PPP1R9A: variants seen among roughly 807,000 people sequenced by gnomAD.
The protein encoded by PPP1R9A is protein phosphatase 1 regulatory subunit 9A, also known as neurabin-1.
PPP1R9A carries 59 observed loss-of-function variants against 141.9 expected under a neutral mutation model. That is an observed-to-expected ratio of 0.42 (90% confidence interval 0.34 to 0.52). The LOEUF (loss-of-function observed/expected upper bound fraction) is 0.52. Among genes scored for constraint, PPP1R9A ranks in the 20% least tolerant of loss-of-function variants. PPP1R9A has a pLI of 0.10. For synonymous variants in PPP1R9A, 500 were observed against 569.7 expected, an observed-to-expected ratio of 0.88 and a Z score of 1.74; for missense variants, 1,444 against 1,611.9, an observed-to-expected ratio of 0.90 and a Z score of 1.78.
At chr7:95,140,007 A>C (rs1322218794) in intron 4 of PPP1R9A, among the ~76,000 whole-genome samples, 1 of 152,194 alleles carries the variant, frequency 6.6e-6, no homozygotes, top group African/African-American at 2.4e-5. Flanking sequence ...ACTTAGAGCT[A>C]GAGGAAAAGT....
chr7:95,248,499 G>A (rs902520216), intron 9 of PPP1R9A, among the ~76,000 whole-genome samples: 15 of 151,944 alleles, frequency 9.9e-5, no homozygotes, highest in African/African-American at 2.9e-4. Flanking sequence ...AATTAGTGGC[G>A]GTTGCTAAAT....
chr7:94,910,229 C>A lies in PPP1R9A; in HGVS notation c.116C>A (p.Ser39Ter). The change falls in exon 2 of 20, where the codon TCA becomes TAA. Residue 39 changes from serine to a stop codon, truncating the protein, a stop_gained. Transcript: ENST00000433360. LOFTEE classifies it high-confidence loss of function. The surrounding 1 kb of genome is among the most constrained non-coding windows in gnomAD (Gnocchi z 4.5). ...ALKSTFDKPKSDGEQKTKEGE... is the reference protein window; with the variant it reads ...ALKSTFDKPK ...AAAAGTACCTTTGACAAACCCAAGT[C>A]AGATGGGGAACAAAAAACAAAAGAA... 1 of 1,613,994 alleles carries A rather than the reference C, an allele frequency of 6.2e-7. No individual in the cohort carries two copies. The highest frequency in any genetic ancestry group is 1.1e-5 in the South Asian group (1 of 91,054).
At chr7:94,969,354 G>T (rs1366586878) in intron 2 of PPP1R9A, among the ~76,000 whole-genome samples, 1 of 152,008 alleles carries the variant, frequency 6.6e-6, no homozygotes, top group Admixed American at 6.5e-5. Flanking sequence ...TGTTAATATT[G>T]ATGCTATTCC....
chr7:95,204,920 C>T (rs1228144524), intron 7 of PPP1R9A, among the ~76,000 whole-genome samples: 1 of 147,890 alleles, frequency 6.8e-6, no homozygotes, highest in Non-Finnish European at 1.5e-5. Context: ...CTCACGCCCC[C>T]ACACCATACA....
In PPP1R9A at chr7:95,006,490, C is replaced by T. The variant is rs576162273; in HGVS notation, c.1395+94982C>T. On this transcript the variant is annotated intron_variant, in intron 2 of 19. Coordinates refer to ENST00000433360, the MANE Select transcript of PPP1R9A (RefSeq NM_001166160.2). Reference sequence around the variant, plus strand: ...CCTCCCAAAGTGCTGGAATTACAGGCGTGAACCACCTTGCCCGGCCAAGAA... The same window carrying T: ...CCTCCCAAAGTGCTGGAATTACAGGTGTGAACCACCTTGCCCGGCCAAGAA... Among the ~76,000 whole-genome samples the T allele has an allele frequency of 3.7e-4, 56 of 151,978 alleles. No individual in the cohort carries two copies. The South Asian group carries it at 6.6e-3, about 18-fold the overall frequency.
intron 5 of PPP1R9A, among the ~76,000 whole-genome samples, chr7:95,191,506 A>G (rs1241615640): frequency 6.6e-6 from 1 of 152,112 alleles, no homozygotes; most frequent in Non-Finnish European, 1.5e-5. Context: ...GAAACTCTGT[A>G]ATATATTATT....
chr7:95,145,896 A>G (rs879379924), intron 4 of PPP1R9A, among the ~76,000 whole-genome samples: 7 of 152,198 alleles, frequency 4.6e-5, no homozygotes, highest in Admixed American at 4.6e-4. Context: ...TATCCAGTCT[A>G]TCATTGATGG....
At chr7:94,944,618 C>T (rs184420119) in intron 2 of PPP1R9A, among the ~76,000 whole-genome samples, 31 of 152,130 alleles carry the variant, frequency 2.0e-4, no homozygotes, top group African/African-American at 1.9e-4. Context: ...TGATCAGAAC[C>T]GTTTCTTTGA....
chr7:95,112,854 T>C (rs533795149), intron 3 of PPP1R9A, among the ~76,000 whole-genome samples: 10 of 152,158 alleles, frequency 6.6e-5, no homozygotes, highest in Non-Finnish European at 1.2e-4. Context: ...TTCTCACTTA[T>C]AAGTGAGAGC....
At chr7:95,078,594 A>C (rs1194466838) in intron 2 of PPP1R9A, among the ~76,000 whole-genome samples, 10 of 152,148 alleles carry the variant, frequency 6.6e-5, no homozygotes, top group Non-Finnish European at 1.0e-4. Context: ...TACAGTCCCA[A>C]CAACAGTGTA....
intron 4 of PPP1R9A, among the ~76,000 whole-genome samples, chr7:95,148,156 G>A (rs753938562): frequency 6.6e-6 from 1 of 152,040 alleles, no homozygotes. Flanking sequence ...CTATAAAAAG[G>A]AGAGGAAATT....
At chr7:95,072,027 A>G (rs1489285989) in intron 2 of PPP1R9A, among the ~76,000 whole-genome samples, 1 of 151,720 alleles carries the variant, frequency 6.6e-6, no homozygotes, top group East Asian at 1.9e-4. Context: ...CTGTTATATT[A>G]CATAAGTGAA....
At chr7:95,183,029 A>G (rs1358290658) in intron 5 of PPP1R9A, among the ~76,000 whole-genome samples, 3 of 152,174 alleles carry the variant, frequency 2.0e-5, no homozygotes, top group Non-Finnish European at 4.4e-5. Context: ...AAATATCTTA[A>G]GTTTATGCCT....
intron 2 of PPP1R9A, among the ~76,000 whole-genome samples, chr7:94,972,442 C>T (rs766895616): frequency 1.3e-4 from 20 of 151,302 alleles, no homozygotes; most frequent in Non-Finnish European, 1.3e-4. Flanking sequence ...ATGTGACAGG[C>T]TTCTTGTTCT....
intron 4 of PPP1R9A, among the ~76,000 whole-genome samples, chr7:95,145,424 A>G (rs890879203): frequency 2.0e-5 from 3 of 152,238 alleles, no homozygotes; most frequent in African/African-American, 7.2e-5. Context: ...TTCAAGATTC[A>G]TTAAAAGTTA....
chr7:94,974,394 A>G (rs1799203308), intron 2 of PPP1R9A, among the ~76,000 whole-genome samples: 1 of 152,188 alleles, frequency 6.6e-6, no homozygotes, highest in Non-Finnish European at 1.5e-5. Context: ...TTAGTTTTGG[A>G]TAAGTTGAGT....
intron 2 of PPP1R9A, among the ~76,000 whole-genome samples, chr7:95,041,664 A>G (rs1211465830): frequency 6.6e-6 from 1 of 152,144 alleles, no homozygotes; most frequent in East Asian, 1.9e-4. Flanking sequence ...TCTCGTAACT[A>G]GAAATCTCAT....
intron 2 of PPP1R9A, among the ~76,000 whole-genome samples, chr7:95,045,601 G>A (rs1403771896): frequency 6.6e-6 from 1 of 152,232 alleles, no homozygotes; most frequent in Non-Finnish European, 1.5e-5. Flanking sequence ...TGAGCTGCCA[G>A]TTACCAATTT....
chr7:95,274,807 G>T (rs746309537), intron 16 of PPP1R9A, among the ~76,000 whole-genome samples: 1 of 152,148 alleles, frequency 6.6e-6, no homozygotes, highest in Non-Finnish European at 1.5e-5. Context: ...AAGCTCTGAA[G>T]CCCAGCTGCC....
Sources: allele counts gnomAD v4.1 joint callset (sites outside exome capture counted in the v4.1 genomes callset), GRCh38; gene constraint gnomAD v4.1.1; non-coding constraint Gnocchi (gnomAD v3.1); transcripts MANE v1.5; gene names NCBI Gene and HGNC (gene_info 2026-07-23, HGNC 2026-07-21).